TENM3: variants seen among roughly 807,000 people sequenced by gnomAD.
The protein encoded by TENM3 is teneurin transmembrane protein 3, also known as teneurin-3.
A neutral mutation model predicts 255.1 loss-of-function variants in TENM3; 63 were observed. The ratio of observed to expected loss-of-function variants is 0.25; its 90% CI spans 0.20 to 0.30. The LOEUF (loss-of-function observed/expected upper bound fraction) is 0.30. Ranked by LOEUF, TENM3 falls within the 10% of genes least tolerant of loss-of-function variation. The pLI is 1.00. For missense variants in TENM3, 2,929 were observed against 3,461.1 expected, an observed-to-expected ratio of 0.85 and a Z score of 3.86; for synonymous variants, 1,306 against 1,322.3, an observed-to-expected ratio of 0.99 and a Z score of 0.27.
intron 3 of TENM3, among the ~76,000 whole-genome samples, chr4:182,505,184 C>T (rs62337214): frequency 0.075 from 11,426 of 152,038 alleles, 492 homozygotes; most frequent in East Asian, 0.11. Context: ...TGATTATATA[C>T]CAGACTCTTA....
At chr4:182,219,510 A>T (rs925375887) in intron 1 of TENM3, among the ~76,000 whole-genome samples, 1 of 151,980 alleles carries the variant, frequency 6.6e-6, no homozygotes, top group Non-Finnish European at 1.5e-5. Context: ...GAAAAAATTT[A>T]AAAAATTAGC....
the TENM3 span, among the ~76,000 whole-genome samples, chr4:181,604,553 G>A: frequency 6.6e-6 from 1 of 152,290 alleles, no homozygotes; most frequent in South Asian, 2.1e-4. Flanking sequence ...CGGGGCCACT[G>A]GAGCCCACCT....
chr4:182,100,790 TATATAC>T, the TENM3 span, among the ~76,000 whole-genome samples: 1 of 5,484 alleles, frequency 1.8e-4, no homozygotes, highest in Non-Finnish European at 1.0e-3. Context: ...TATACACATA[TATATAC>T]ACATATATAT....
chr4:182,387,614 G>T (rs971326723), intron 3 of TENM3, among the ~76,000 whole-genome samples: 1 of 152,108 alleles, frequency 6.6e-6, no homozygotes, highest in Non-Finnish European at 1.5e-5. Flanking sequence ...TCGCCACGAA[G>T]ATCTGCAGTT....
At chr4:181,574,115 A>G in the TENM3 span, among the ~76,000 whole-genome samples, 2 of 152,206 alleles carry the variant, frequency 1.3e-5, no homozygotes, top group Non-Finnish European at 2.9e-5. Flanking sequence ...TCCACAGCTA[A>G]CTCTGATAAC....
intron 1 of TENM3, among the ~76,000 whole-genome samples, chr4:182,305,924 A>C (rs115684821): frequency 1.2e-4 from 18 of 152,248 alleles, no homozygotes; most frequent in African/African-American, 3.1e-4. Flanking sequence ...TGTTATTAAC[A>C]CCCTGAATCC....
the TENM3 span, among the ~76,000 whole-genome samples, chr4:182,134,391 T>C: frequency 4.6e-5 from 7 of 152,290 alleles, no homozygotes; most frequent in East Asian, 1.4e-3. Flanking sequence ...ATCCTCTTAG[T>C]TTATCTTCAG....
intron 3 of TENM3, among the ~76,000 whole-genome samples, chr4:182,467,456 C>T (rs1057197285): frequency 1.3e-5 from 2 of 151,954 alleles, no homozygotes; most frequent in African/African-American, 2.4e-5. Flanking sequence ...AAACACATGA[C>T]GTATTTATCT....
intron 5 of TENM3, among the ~76,000 whole-genome samples, chr4:182,639,917 C>A (rs1338318123): frequency 6.6e-6 from 1 of 152,048 alleles, no homozygotes; most frequent in Non-Finnish European, 1.5e-5. Context: ...TGGTGAAACC[C>A]CGTCTCTGCT....
chr4:182,460,981 C>T lies in TENM3; in HGVS notation c.511+114052C>T, dbSNP rs187239168. ...AACCTACTATTTGCTACCTAGTAAG[C>T]GCTTTATCATCCTATTCATAATCAT... On this transcript the variant is annotated intron_variant, in intron 3 of 27. Transcript: ENST00000511685. 3.2e-3 allele frequency among the ~76,000 whole-genome samples: 486 copies of T among 152,188 alleles called. 8 individuals carry two copies. The highest frequency in any genetic ancestry group is 3.4e-3 in the Middle Eastern group (1 of 294).
At chr4:181,888,525 T>TATACATATATATATATAC in the TENM3 span, among the ~76,000 whole-genome samples, 28 of 99,850 alleles carry the variant, frequency 2.8e-4, 1 homozygote, top group African/African-American at 1.3e-3. Context: ...TGTATATATA[T>TATACATATATATATATAC]ACATATATGT....
the TENM3 span, among the ~76,000 whole-genome samples, chr4:181,791,858 A>G: frequency 6.6e-6 from 1 of 152,320 alleles, no homozygotes; most frequent in African/African-American, 2.4e-5. Context: ...TAGGCAACGG[A>G]CACTGTGTTG....
the TENM3 span, among the ~76,000 whole-genome samples, chr4:181,610,307 T>C: frequency 2.7e-4 from 41 of 152,300 alleles, no homozygotes; most frequent in African/African-American, 7.9e-4. Context: ...TTATTTCATT[T>C]GTGAGGCGTG....
the TENM3 span, among the ~76,000 whole-genome samples, chr4:181,544,432 A>AAAAAAAAAAAAC: frequency 6.8e-6 from 1 of 146,398 alleles, no homozygotes. Flanking sequence ...AAAAAAAAAA[A>AAAAAAAAAAAAC]AAAACTATAA....
Position 182,415,443 on chromosome 4 carries a change from A to G in TENM3, c.511+68514A>G, listed in dbSNP as rs1347834784. Among the ~76,000 whole-genome samples the G allele has an allele frequency of 3.9e-5, 6 of 152,316 alleles. No homozygotes were observed. In the East Asian group the frequency reaches 1.2e-3, roughly 29 times the overall value. On this transcript the variant is annotated intron_variant, in intron 3 of 27. Coordinates refer to ENST00000511685, the MANE Select transcript of TENM3 (RefSeq NM_001080477.4). ...CTGAAATTGGAAAGAGGTAATATACATCTATTAGGTTGTATACAAACCCTT... is the reference window on the plus strand; with the variant it reads ...CTGAAATTGGAAAGAGGTAATATACGTCTATTAGGTTGTATACAAACCCTT...
rs527408830 is a variant in TENM3 at position 182,586,617 on chromosome 4, T to G, written c.512-14307T>G. On this transcript the variant is annotated intron_variant, in intron 3 of 27. Transcript: ENST00000511685. ...TTAATCAAGAATGATCATTACATGG[T>G]TTCCACTTAACAGATCACTCTCATT... 3.9e-5 allele frequency among the ~76,000 whole-genome samples: 6 copies of G among 152,310 alleles called. No homozygotes were observed. In the East Asian group the frequency reaches 1.2e-3, roughly 29 times the overall value.
chr4:181,816,641 A>C, the TENM3 span, among the ~76,000 whole-genome samples: 2 of 152,254 alleles, frequency 1.3e-5, no homozygotes, highest in East Asian at 3.9e-4. Context: ...TTCCCCCATC[A>C]ACTGGGTCCT....
the TENM3 span, among the ~76,000 whole-genome samples, chr4:181,590,079 A>G: frequency 6.6e-6 from 1 of 152,244 alleles, no homozygotes; most frequent in Non-Finnish European, 1.5e-5. Flanking sequence ...GAGCAAGTAT[A>G]AAACTAACTT....
intron 3 of TENM3, among the ~76,000 whole-genome samples, chr4:182,552,161 C>T (rs1742110007): frequency 6.6e-6 from 1 of 151,862 alleles, no homozygotes; most frequent in Admixed American, 6.6e-5. Flanking sequence ...AAAATAATAA[C>T]TTGCTGGGCA....
Sources: allele counts gnomAD v4.1 joint callset (sites outside exome capture counted in the v4.1 genomes callset), GRCh38; gene constraint gnomAD v4.1.1; transcripts MANE v1.5; gene names NCBI Gene and HGNC (gene_info 2026-07-23, HGNC 2026-07-21).